LCE1C: variants seen among roughly 807,000 people sequenced by gnomAD.
LCE1C encodes the protein late cornified envelope protein 1C.
LCE1C carries 1 observed loss-of-function variant against 0.7 expected under a neutral mutation model. The observed-to-expected ratio is 1.44, with a 90% CI of 0.51 to 6.83. LCE1C has a LOEUF of 6.83. Ranked by LOEUF, LCE1C falls within the 30% of genes most tolerant of loss-of-function variation. The pLI is 0.14. For missense variants in LCE1C, 136 were observed against 149.6 expected, an observed-to-expected ratio of 0.91 and a Z score of 0.48; for synonymous variants, 72 against 57.9, an observed-to-expected ratio of 1.24 and a Z score of -1.10.
Position 152,804,971 on chromosome 1 carries a change from G to A in LCE1C, c.*151C>T. 1 of 992,910 alleles carries A rather than the reference G, an allele frequency of 1.0e-6. No homozygotes were observed. Among genetic ancestry groups the A allele is most frequent in the South Asian group, 1.6e-5 (1 of 61,010 alleles). 61.5% of individuals were successfully genotyped at this position (992,910 alleles called of 1,614,324 possible). A position where few individuals can be genotyped will look rare whatever the true frequency, so the allele number is the denominator to read the frequency against. Reference sequence around the variant, plus strand: ...AATGGAGATCCAGGAGAGGATCTGAGTTTCTGGACTCCAGGGAAAAGATAT... The same window carrying A: ...AATGGAGATCCAGGAGAGGATCTGAATTTCTGGACTCCAGGGAAAAGATAT... On this transcript the variant is annotated 3_prime_UTR_variant, in exon 2 of 2. Transcript: ENST00000607093.
chr1:152,805,542 C>G, intron 1 of LCE1C, 44 bp from the exon 2 acceptor site: 1 of 1,393,314 alleles, frequency 7.2e-7, no homozygotes, highest in Non-Finnish European at 1.0e-6. Context: ...GCAGAGGCCA[C>G]CCCTGCCTAT....
At chr1:152,806,159 T>C (rs1298402487) in intron 1 of LCE1C, among the ~76,000 whole-genome samples, 1 of 152,216 alleles carries the variant, frequency 6.6e-6, no homozygotes, top group Non-Finnish European at 1.5e-5. Context: ...GTCTAACTAC[T>C]TTAAGAGATT....
At position 152,805,539 on chromosome 1, in the gene LCE1C, C is replaced by A. The variant is rs1652317913; in HGVS notation, c.-20-41G>T. The A allele has an allele frequency of 4.4e-6, 6 of 1,367,112 alleles. No homozygotes were observed. In the South Asian group the frequency reaches 7.2e-5, roughly 16 times the overall value. The allele number at this position is 1,367,112 out of a possible 1,614,324, so 84.7% of individuals were successfully genotyped here. On this transcript the variant is annotated intron_variant, in intron 1 of 1. Transcript: ENST00000607093. Reference sequence around the variant, plus strand: ...ACAGCAAGTCAGACCTAGGCAGAGGCCACCCCTGCCTATTCTTGTCCTTTC... The same window carrying A: ...ACAGCAAGTCAGACCTAGGCAGAGGACACCCCTGCCTATTCTTGTCCTTTC...
At position 152,805,625 on chromosome 1, in the gene LCE1C, T is replaced by C. The variant is rs115672702; in HGVS notation, c.-20-127A>G. ...TTCAAATGTCATGGTAAATCATTAA[T>C]CACTGAAAATTTTGTTGTTTCTTGT... On this transcript the variant is annotated intron_variant, in intron 1 of 1. Transcript: ENST00000607093. The C allele has an allele frequency of 9.4e-4, 745 of 791,922 alleles. 8 individuals carry two copies. In the African/African-American group the frequency reaches 0.011, roughly 12 times the overall value. 49.1% of individuals were successfully genotyped at this position (791,922 alleles called of 1,614,324 possible).
Position 152,805,047 on chromosome 1 carries a change from G to A in LCE1C, c.*75C>T. ...CTTGGACCTGTGAGCCTCTCAGGCAGGCCTAGTAGGAGAAGGGGGATGTCC... is the reference window on the plus strand; with the variant it reads ...CTTGGACCTGTGAGCCTCTCAGGCAAGCCTAGTAGGAGAAGGGGGATGTCC... On this transcript the variant is annotated 3_prime_UTR_variant, in exon 2 of 2. Coordinates refer to ENST00000607093, the MANE Select transcript of LCE1C (RefSeq NM_178351.4). The A allele has an allele frequency of 1.3e-6, 2 of 1,494,078 alleles. No homozygotes were observed. Among genetic ancestry groups the A allele is most frequent in the South Asian group, 1.3e-5 (1 of 74,876 alleles). The allele number at this position is 1,494,078 out of a possible 1,614,324, so 92.6% of individuals were successfully genotyped here. A position where few individuals can be genotyped will look rare whatever the true frequency, so the allele number is the denominator to read the frequency against.
At chr1:152,806,261 A>G (rs1336405867) in intron 1 of LCE1C, among the ~76,000 whole-genome samples, 1 of 152,208 alleles carries the variant, frequency 6.6e-6, no homozygotes, top group African/African-American at 2.4e-5. Flanking sequence ...GAGAACTACT[A>G]TCTCCAGCTC....
Position 152,805,049 on chromosome 1 carries a change from C to A in LCE1C, c.*73G>T. 1 of 1,500,644 alleles carries A rather than the reference C, an allele frequency of 6.7e-7. No homozygotes were observed. Among genetic ancestry groups the A allele is most frequent in the South Asian group, 1.3e-5 (1 of 75,000 alleles). The allele number at this position is 1,500,644 out of a possible 1,614,324, so 93.0% of individuals were successfully genotyped here. ...TGGACCTGTGAGCCTCTCAGGCAGG[C>A]CTAGTAGGAGAAGGGGGATGTCCTT... On this transcript the variant is annotated 3_prime_UTR_variant, in exon 2 of 2. Coordinates refer to ENST00000607093, the MANE Select transcript of LCE1C (RefSeq NM_178351.4).
intron 1 of LCE1C, 113 bp from the exon 2 acceptor site, chr1:152,805,611 T>C: frequency 1.2e-6 from 1 of 837,654 alleles, no homozygotes; most frequent in Non-Finnish European, 1.9e-6. Context: ...TCAAATGTCA[T>C]GGTAAATCAT....
Position 152,805,408 on chromosome 1 carries a change from C to A in LCE1C, c.71G>T (p.Cys24Phe). 6.2e-7 allele frequency: 1 copy of A among 1,612,590 alleles called. No individual in the cohort carries two copies. Among genetic ancestry groups the A allele is most frequent in the Non-Finnish European group, 8.5e-7 (1 of 1,179,288 alleles). The change falls in exon 2 of 2, where the codon TGC becomes TTC. Residue 24 changes from cysteine to phenylalanine, a missense_variant. Transcript: ENST00000607093. The stretch of plus-strand genomic sequence containing the variant: ...CTTTGGGGGACACTTTGGGGTGGGG[C>A]ACTTGGGAGGGCACTTGGGGGTGCA... ...PKCTPKCPPK[C>F]PTPKCPPKCP...
Position 152,805,370 on chromosome 1 carries a change from A to C in LCE1C, c.109T>G (p.Cys37Gly), listed in dbSNP as rs373463600. ...PKCPPKCPPK[C>G]PPVSSCCSVS... is the part of the protein sequence containing the mutation. ...CTGCAGCAGGAAGAGACAGGAGGGC[A>C]CTTAGGGGGACACTTTGGGGGACAC... Residue 37 changes from cysteine (C) to glycine (G), a missense_variant, in exon 2 of 2, where the codon TGC becomes GGC. Transcript: ENST00000607093. 1.2e-6 allele frequency: 2 copies of C among 1,613,140 alleles called. No homozygotes were observed. The highest frequency in any genetic ancestry group is 1.7e-6 in the Non-Finnish European group (2 of 1,179,654).
intron 1 of LCE1C, among the ~76,000 whole-genome samples, chr1:152,806,297 T>A (rs1430135349): frequency 2.6e-5 from 4 of 152,250 alleles, no homozygotes; most frequent in Non-Finnish European, 4.4e-5. Context: ...GTCACAGTTT[T>A]GCTCTGAAAA....
chr1:152,804,912 A>T lies in LCE1C; in HGVS notation c.*210T>A. On this transcript the variant is annotated 3_prime_UTR_variant, in exon 2 of 2. Coordinates refer to ENST00000607093, the MANE Select transcript of LCE1C (RefSeq NM_178351.4). The stretch of plus-strand genomic sequence containing the variant: ...GCTAGGGGCTTAGACAGAGCGTGGG[A>T]GGGTAGCCACAAAGGTGAGGTCCAA... The T allele has an allele frequency of 6.3e-6, 4 of 637,586 alleles. No homozygotes were observed. The South Asian group carries it at 8.8e-5, about 14-fold the overall frequency. The allele number at this position is 637,586 out of a possible 1,614,324, so 39.5% of individuals were successfully genotyped here. A position where few individuals can be genotyped will look rare whatever the true frequency, so the allele number is the denominator to read the frequency against.
intron 1 of LCE1C, 26 bp from the exon 2 acceptor site, chr1:152,805,524 A>C (rs752969693): frequency 6.4e-7 from 1 of 1,561,424 alleles, no homozygotes; most frequent in Admixed American, 1.7e-5. Flanking sequence ...ACAGCAAGTC[A>C]GACCTAGGCA....
At position 152,805,063 on chromosome 1, in the gene LCE1C, G is replaced by A. The variant is rs1368758259; in HGVS notation, c.*59C>T. On this transcript the variant is annotated 3_prime_UTR_variant, in exon 2 of 2. Coordinates refer to ENST00000607093, the MANE Select transcript of LCE1C (RefSeq NM_178351.4). ...TCTCAGGCAGGCCTAGTAGGAGAAGGGGGATGTCCTTGGCAGTTTGCGGTC... is the reference window on the plus strand; with the variant it reads ...TCTCAGGCAGGCCTAGTAGGAGAAGAGGGATGTCCTTGGCAGTTTGCGGTC... 6.6e-7 allele frequency: 1 copy of A among 1,521,050 alleles called. No homozygotes were observed. Among genetic ancestry groups the A allele is most frequent in the South Asian group, 1.3e-5 (1 of 75,934 alleles). The allele number at this position is 1,521,050 out of a possible 1,614,324, so 94.2% of individuals were successfully genotyped here.
intron 1 of LCE1C, among the ~76,000 whole-genome samples, chr1:152,805,951 A>G (rs1652328477): frequency 6.6e-6 from 1 of 152,174 alleles, no homozygotes; most frequent in Non-Finnish European, 1.5e-5. Context: ...AAACCTGCGC[A>G]TGTACAATTG....
intron 1 of LCE1C, among the ~76,000 whole-genome samples, chr1:152,806,269 C>T (rs960788438): frequency 6.6e-6 from 1 of 152,222 alleles, no homozygotes; most frequent in Non-Finnish European, 1.5e-5. Flanking sequence ...CTATCTCCAG[C>T]TCAAATTTGC....
At position 152,805,335 on chromosome 1, in the gene LCE1C, G is replaced by A. The variant is rs747442143; in HGVS notation, c.144C>T (p.Ser48=). 2.2e-5 allele frequency: 35 copies of A among 1,614,028 alleles called. No homozygotes were observed. The highest frequency in any genetic ancestry group is 1.7e-4 in the Middle Eastern group (1 of 6,050). ...PPVSSCCSVS[S]GGCCGSSSGG... ...CAGAGCTGGAGCCACAGCAGCCTCC[G>A]GAGCTGACACTGCAGCAGGAAGAGA... The change falls in exon 2 of 2, where the codon TCC becomes TCT. Residue 48 remains serine (S), a synonymous_variant. Transcript: ENST00000607093.
chr1:152,805,269 A>G lies in LCE1C; in HGVS notation c.210T>C (p.Ser70=), dbSNP rs1460381884. 2.5e-6 allele frequency: 4 copies of G among 1,613,968 alleles called. No homozygotes were observed. Among genetic ancestry groups the G allele is most frequent in the Non-Finnish European group, 3.4e-6 (4 of 1,179,994 alleles). Residue 70 remains serine (S), a synonymous_variant, in exon 2 of 2, where the codon TCT becomes TCC. Coordinates refer to ENST00000607093, the MANE Select transcript of LCE1C (RefSeq NM_178351.4). ...GGCTCAGGCAGCAGCCACCTCCCCC[A>G]GAACTGCAGCATCCCCCAGAGCTGG... ...CGSSSGGCCS[S]GGGGCCLSHH...
At chr1:152,806,465 T>G (rs1047008378) in intron 1 of LCE1C, 136 bp downstream of exon 1, 2 of 152,382 alleles carry the variant, frequency 1.3e-5, no homozygotes, top group African/African-American at 4.8e-5. Flanking sequence ...GAGCACATCC[T>G]CCTTCAATCT....
Sources: gnomAD v4.1 joint callset for allele counts (sites outside exome capture counted in the v4.1 genomes callset) on GRCh38, gnomAD v4.1.1 for gene constraint, MANE v1.5 for transcripts, NCBI Gene and HGNC (gene_info 2026-07-23, HGNC 2026-07-21) for gene names.